The following GALNT5 variants were observed in gnomAD, a reference collection of about 807,000 sequenced individuals.
The protein encoded by GALNT5 is polypeptide N-acetylgalactosaminyltransferase 5, also known as UDP-GalNAc:polypeptide N-acetylgalactosaminyltransferase 5.
Under a neutral mutation model 85.4 loss-of-function variants are expected in GALNT5, and 72 were observed. That is an observed-to-expected ratio of 0.84 (90% confidence interval 0.70 to 1.03). GALNT5 has a LOEUF of 1.03. Ranked by LOEUF, GALNT5 falls within the 50% of genes least tolerant of loss-of-function variation. The pLI, the probability that GALNT5 is intolerant of heterozygous loss-of-function variation, is 0.00. For missense variants in GALNT5, 1,137 were observed against 1,135.5 expected (o/e 1.00, Z -0.02); for synonymous variants, 404 against 397.0 (o/e 1.02, Z -0.21).
At chr2:157,261,751 T>A (rs1038308952) in intron 1 of GALNT5, among the ~76,000 whole-genome samples, 2 of 152,232 alleles carry the variant, frequency 1.3e-5, no homozygotes, top group Admixed American at 6.5e-5. Context: ...TTCATATAGA[T>A]AAAGGTTAAA....
chr2:157,267,253 G>GCAATGAGGACGTAAA (rs1164201903), intron 1 of GALNT5, among the ~76,000 whole-genome samples: 3 of 152,174 alleles, frequency 2.0e-5, no homozygotes, highest in Non-Finnish European at 2.9e-5. Flanking sequence ...TTGCAGGAGA[G>GCAATGAGGACGTAAA]CAATGAGGAC....
At chr2:157,266,021 A>G (rs1682450870) in intron 1 of GALNT5, among the ~76,000 whole-genome samples, 1 of 152,232 alleles carries the variant, frequency 6.6e-6, no homozygotes, top group Non-Finnish European at 1.5e-5. Flanking sequence ...TCATCATCCC[A>G]GCTTTACCTA....
intron 5 of GALNT5, among the ~76,000 whole-genome samples, chr2:157,297,742 T>C (rs890786881): frequency 3.3e-5 from 5 of 152,332 alleles, no homozygotes; most frequent in Middle Eastern, 3.4e-3. Flanking sequence ...TTGAGATCAC[T>C]GTATACCCTA....
In GALNT5 at chr2:157,258,888, A is replaced by G. The variant is rs1396458565; in HGVS notation, c.806A>G (p.Lys269Arg). Residue 269 changes from lysine (K) to arginine (R), a missense_variant, in exon 1 of 10, where the codon AAA (lysine) becomes AGA (arginine). Physicochemically the swap from Lys to Arg is conservative, Grantham distance 26 (BLOSUM62 2). Transcript: ENST00000259056. ...KTQSKEVNAN[K>R]HKANTSLPFP... ...CAGAGCAAAGAAGTCAATGCAAATA[A>G]ACACAAAGCCAATACGAGTCTTCCT... is the stretch of plus-strand genomic sequence containing the variant. 1 of 1,569,742 alleles carries G rather than the reference A, an allele frequency of 6.4e-7. No homozygotes were observed.
In GALNT5 at chr2:157,296,481, A is replaced by G; in HGVS notation, c.1965A>G (p.Ala655=). 2 of 1,609,946 alleles carry G rather than the reference A, an allele frequency of 1.2e-6. No individual in the cohort carries two copies. The highest frequency in any genetic ancestry group is 8.5e-7 in the Non-Finnish European group (1 of 1,176,338). ...GWRTIPPDVI[A]KNRIKETDTI... is the part of the protein sequence containing the mutation. Reference sequence around the variant, plus strand: ...GAACAATTCCTCCAGATGTCATTGCAAAAAACAGAATTAAAGAAACTGATA... The same window carrying G: ...GAACAATTCCTCCAGATGTCATTGCGAAAAACAGAATTAAAGAAACTGATA... The change falls in exon 5 of 10, where the codon GCA becomes GCG. Residue 655 remains alanine, a synonymous_variant. Transcript: ENST00000259056.
chr2:157,269,337 C>T (rs1041015516), intron 1 of GALNT5, among the ~76,000 whole-genome samples: 1 of 152,148 alleles, frequency 6.6e-6, no homozygotes, highest in Non-Finnish European at 1.5e-5. Flanking sequence ...TCAGTCACCC[C>T]AAATCAAGGC....
chr2:157,272,160 G>A (rs1317900660), intron 1 of GALNT5, among the ~76,000 whole-genome samples: 2 of 152,052 alleles, frequency 1.3e-5, no homozygotes, highest in African/African-American at 4.8e-5. Flanking sequence ...ATCAATTACT[G>A]ATTTTTTTTT....
At chr2:157,264,613 T>C (rs1682419751) in intron 1 of GALNT5, among the ~76,000 whole-genome samples, 1 of 152,104 alleles carries the variant, frequency 6.6e-6, no homozygotes. Context: ...TTTTGGCACA[T>C]TTGAAAAGCA....
chr2:157,273,333 T>C (rs1199113812), intron 1 of GALNT5, among the ~76,000 whole-genome samples: 1 of 152,204 alleles, frequency 6.6e-6, no homozygotes, highest in African/African-American at 2.4e-5. Context: ...TGCAACCAAA[T>C]AGACCAATTT....
In GALNT5 at chr2:157,295,657, C is replaced by T. The variant is rs1423299446; in HGVS notation, c.1742-6C>T. On this transcript the variant is annotated splice_region_variant and splice_polypyrimidine_tract_variant and intron_variant, in intron 3 of 9. Coordinates refer to ENST00000259056, the MANE Select transcript of GALNT5 (RefSeq NM_014568.3). ...CTAAGTTTTTTGTGTGTGTTTGGCCCTCTAGGTGATGTGTTGACATTTTTA... is the reference window on the plus strand; with the variant it reads ...CTAAGTTTTTTGTGTGTGTTTGGCCTTCTAGGTGATGTGTTGACATTTTTA... The T allele has an allele frequency of 6.2e-7, 1 of 1,610,948 alleles. No individual in the cohort carries two copies. Among genetic ancestry groups the T allele is most frequent in the Non-Finnish European group, 8.5e-7 (1 of 1,178,394 alleles).
chr2:157,296,874 A>G (rs1683223435), intron 5 of GALNT5, among the ~76,000 whole-genome samples: 1 of 152,254 alleles, frequency 6.6e-6, no homozygotes, highest in Admixed American at 6.5e-5. Flanking sequence ...TAATGGTAAT[A>G]GAAATATCAT....
At chr2:157,266,648 G>A (rs2105149278) in intron 1 of GALNT5, among the ~76,000 whole-genome samples, 1 of 152,238 alleles carries the variant, frequency 6.6e-6, no homozygotes, top group South Asian at 2.1e-4. Context: ...ACTTTCATAT[G>A]TTTTACAGTT....
At chr2:157,262,634 AAACAAC>A (rs201143254) in intron 1 of GALNT5, among the ~76,000 whole-genome samples, 68 of 137,038 alleles carry the variant, frequency 5.0e-4, no homozygotes, top group African/African-American at 7.2e-4. Flanking sequence ...TTGTCTCAGA[AAACAAC>A]AACAACAACA....
At chr2:157,260,312 G>A (rs951034391) in intron 1 of GALNT5, among the ~76,000 whole-genome samples, 1 of 152,256 alleles carries the variant, frequency 6.6e-6, no homozygotes, top group Admixed American at 6.5e-5. Flanking sequence ...TTAACAAGCT[G>A]GCGAGGGCGC....
At chr2:157,273,630 CTTT>C (rs35430045) in intron 1 of GALNT5, among the ~76,000 whole-genome samples, 10 of 23,748 alleles carry the variant, frequency 4.2e-4, no homozygotes, top group African/African-American at 2.6e-3. Flanking sequence ...ATATTTCTTG[CTTT>C]TTTTTTTTTT....
rs372181698 is a variant in GALNT5 at position 157,301,004 on chromosome 2, G to T, written c.2439+5G>T. 8.0e-5 allele frequency: 128 copies of T among 1,594,108 alleles called. No homozygotes were observed. The highest frequency in any genetic ancestry group is 1.0e-4 in the Non-Finnish European group (122 of 1,167,234). On this transcript the variant is annotated splice_donor_5th_base_variant and intron_variant, in intron 7 of 9. Transcript: ENST00000259056. ...ATTGTGAGAGCTAGTGGTGTGGTAA[G>T]TTCAAGTGGCAATTTAAAATCTTAC...
At chr2:157,273,993 G>A (rs1682659896) in intron 1 of GALNT5, among the ~76,000 whole-genome samples, 1 of 151,310 alleles carries the variant, frequency 6.6e-6, no homozygotes, top group Non-Finnish European at 1.5e-5. Flanking sequence ...CCCCCTAAAA[G>A]GCCCCAGTGT....
intron 3 of GALNT5, 87 bp downstream of exon 3, chr2:157,286,221 C>A: frequency 9.6e-7 from 1 of 1,043,134 alleles, no homozygotes; most frequent in Non-Finnish European, 1.4e-6. Flanking sequence ...GAAAGACCAG[C>A]ACAATGATGC....
rs1199804944 is a variant in GALNT5, at chr2:157,300,698, T to C, written c.2138T>C (p.Ile713Thr). ...SFKVWMCGGEIEIIPCSRVGH... is the reference protein window; with the variant it reads ...SFKVWMCGGETEIIPCSRVGH... ...CAGGTGTGGATGTGTGGTGGTGAAATTGAGATCATTCCCTGCTCCCGAGTG... is the reference window on the plus strand; with the variant it reads ...CAGGTGTGGATGTGTGGTGGTGAAACTGAGATCATTCCCTGCTCCCGAGTG... Residue 713 changes from isoleucine to threonine, a missense_variant, in exon 7 of 10, where the codon ATT becomes ACT. By Grantham distance (89) the Ile-to-Thr change is moderately conservative (BLOSUM62 -1). Coordinates refer to ENST00000259056, the MANE Select transcript of GALNT5 (RefSeq NM_014568.3). 6.8e-6 allele frequency: 11 copies of C among 1,613,120 alleles called. No individual in the cohort carries two copies. The highest frequency in any genetic ancestry group is 9.3e-6 in the Non-Finnish European group (11 of 1,179,238).
Sources: allele counts gnomAD v4.1 joint callset (sites outside exome capture counted in the v4.1 genomes callset), GRCh38; gene constraint gnomAD v4.1.1; transcripts MANE v1.5; gene names NCBI Gene and HGNC (gene_info 2026-07-23, HGNC 2026-07-21).